Variants in NRG2 observed in about 807,000 individuals in gnomAD.
NRG2 encodes the protein neuregulin 2.
A neutral mutation model predicts 73.9 loss-of-function variants in NRG2; 27 were observed. The ratio of observed to expected loss-of-function variants is 0.37; its 90% CI spans 0.27 to 0.50. The LOEUF (loss-of-function observed/expected upper bound fraction) is 0.50. Ranked by LOEUF, NRG2 falls within the 20% of genes least tolerant of loss-of-function variation. The probability of loss-of-function intolerance (pLI) is 0.96; values close to 1 mark genes in which losing one functional copy is unlikely to be tolerated. For missense variants in NRG2, 1,126 were observed against 1,210.1 expected (o/e 0.93, Z 1.03); for synonymous variants, 532 against 541.0 (o/e 0.98, Z 0.23).
chr5:139,875,967 C>A (rs544205503), intron 3 of NRG2, among the ~76,000 whole-genome samples: 1 of 152,228 alleles, frequency 6.6e-6, no homozygotes, highest in South Asian at 2.1e-4. Flanking sequence ...ATGATGTGCT[C>A]CAGAAATTCC....
intron 2 of NRG2, among the ~76,000 whole-genome samples, chr5:139,884,272 A>C (rs1440636181): frequency 7.2e-5 from 11 of 152,202 alleles, no homozygotes; most frequent in African/African-American, 2.2e-4. Context: ...GGGCTTAGGA[A>C]GGTGTCCCAG....
chr5:139,860,064 T>G (rs1561631168), intron 5 of NRG2, among the ~76,000 whole-genome samples: 1 of 152,032 alleles, frequency 6.6e-6, no homozygotes, highest in Non-Finnish European at 1.5e-5. Context: ...AGGTTAGTAG[T>G]GTCCCCTCCC....
chr5:139,971,912 G>A (rs1051688557), intron 1 of NRG2, among the ~76,000 whole-genome samples: 2 of 152,012 alleles, frequency 1.3e-5, no homozygotes, highest in Non-Finnish European at 2.9e-5. Context: ...AAGAATAAAC[G>A]TAGAATAGCC....
chr5:140,017,016 G>A (rs1393943495), intron 1 of NRG2, among the ~76,000 whole-genome samples: 1 of 152,142 alleles, frequency 6.6e-6, no homozygotes, highest in Non-Finnish European at 1.5e-5. Context: ...ATTGGTCTTG[G>A]GTTTTTAAAA....
In NRG2 at chr5:139,851,702, C is replaced by T. The variant is rs1218636200; in HGVS notation, c.1674G>A (p.Arg558=). 6.2e-7 allele frequency: 1 copy of T among 1,614,202 alleles called. No homozygotes were observed. Among genetic ancestry groups the T allele is most frequent in the African/African-American group, 1.3e-5 (1 of 75,072 alleles). ...NSPACVEARA[R]RAAAYNLEER... ...CCTCCAGGTTGTAGGCTGCTGCCCG[C>T]CTTGCCCGGGCCTCCACACATGCTG... Residue 558 remains arginine, a synonymous_variant, in exon 9 of 10, where the codon AGG becomes AGA. Transcript: ENST00000361474. This position sits in a 1 kb window ranked among gnomAD's most constrained non-coding sequence, Gnocchi z 4.2.
intron 1 of NRG2, among the ~76,000 whole-genome samples, chr5:139,916,109 T>C (rs1351066659): frequency 3.3e-5 from 5 of 152,082 alleles, no homozygotes; most frequent in Admixed American, 2.0e-4. Context: ...GGCAGCAAGA[T>C]TGATCAGCAA....
rs969947402 is a variant in NRG2, at chr5:139,853,826, T to C, written c.1293-799A>G. On this transcript the variant is annotated intron_variant, in intron 6 of 9. Transcript: ENST00000361474. The surrounding 1 kb of genome is among the most constrained non-coding windows in gnomAD (Gnocchi z 4.1). Reference sequence around the variant, plus strand: ...GGGGATGGTTCATGGGTACAAAAACTAGTTAGAAGGAAAAAGACCTAGTAT... The same window carrying C: ...GGGGATGGTTCATGGGTACAAAAACCAGTTAGAAGGAAAAAGACCTAGTAT... 2.0e-5 allele frequency among the ~76,000 whole-genome samples: 3 copies of C among 152,034 alleles called. No homozygotes were observed. In the East Asian group the frequency reaches 5.8e-4, roughly 29 times the overall value.
chr5:139,944,595 C>T (rs994758522), intron 1 of NRG2, among the ~76,000 whole-genome samples: 10 of 152,100 alleles, frequency 6.6e-5, no homozygotes, highest in Admixed American at 2.6e-4. Context: ...GATTTCATTC[C>T]GTTTTATGGC....
chr5:139,869,950 C>A lies in NRG2; in HGVS notation c.1112+1771G>T, dbSNP rs1025745613. On this transcript the variant is annotated intron_variant, in intron 4 of 9. Coordinates refer to ENST00000361474, the MANE Select transcript of NRG2 (RefSeq NM_004883.3). The surrounding 1 kb of genome is among the most constrained non-coding windows in gnomAD (Gnocchi z 4.5). ...TGGCACCTGTCCTGAGGGGCCAGAA[C>A]CTTCCCTGCCCGGACGAGGGCTGAC... Among the ~76,000 whole-genome samples, 1 of 152,194 alleles carries A rather than the reference C, an allele frequency of 6.6e-6. No individual in the cohort carries two copies. Among genetic ancestry groups the A allele is most frequent in the Non-Finnish European group, 1.5e-5 (1 of 68,028 alleles).
chr5:139,938,942 AAAGAAAG>A (rs1753125153), intron 1 of NRG2, among the ~76,000 whole-genome samples: 1 of 145,400 alleles, frequency 6.9e-6, no homozygotes, highest in Non-Finnish European at 1.5e-5. Flanking sequence ...AGAAAGAAAG[AAAGAAAG>A]AAAGAAAGAA....
Position 139,954,001 on chromosome 5 carries a change from A to G in NRG2, c.701-66490T>C, listed in dbSNP as rs984256045. ...TGGAAACCCGAAGAGAACCTGAAAAAGTGGGCCAGAGTTGAGGGCAGGTAG... is the reference window on the plus strand; with the variant it reads ...TGGAAACCCGAAGAGAACCTGAAAAGGTGGGCCAGAGTTGAGGGCAGGTAG... On this transcript the variant is annotated intron_variant, in intron 1 of 9. Transcript: ENST00000361474. The surrounding 1 kb of genome is among the most constrained non-coding windows in gnomAD (Gnocchi z 5.0). 1.1e-4 allele frequency among the ~76,000 whole-genome samples: 16 copies of G among 152,080 alleles called. No homozygotes were observed. The highest frequency in any genetic ancestry group is 6.8e-3 in the Middle Eastern group (2 of 294).
At chr5:139,938,943 AAGAAAG>A (rs1753125987) in intron 1 of NRG2, among the ~76,000 whole-genome samples, 1 of 144,662 alleles carries the variant, frequency 6.9e-6, no homozygotes. Flanking sequence ...GAAAGAAAGA[AAGAAAG>A]AAAGAAAGAA....
In NRG2 at chr5:140,042,875, C is replaced by T; in HGVS notation, c.195G>A (p.Pro65=). ...SISRPAAPPE[P]RPQQQPQPRS... is the part of the protein sequence containing the mutation. The stretch of plus-strand genomic sequence containing the variant: ...GGGGCTGCGGCTGTTGCTGCGGCCG[C>T]GGCTCTGGGGGCGCAGCGGGACGAG... Residue 65 remains proline, a synonymous_variant, in exon 1 of 10, where the codon CCG becomes CCA. Transcript: ENST00000361474. 1.3e-6 allele frequency: 2 copies of T among 1,512,372 alleles called. No individual in the cohort carries two copies. Among genetic ancestry groups the T allele is most frequent in the South Asian group, 1.2e-5 (1 of 81,590 alleles). The allele number at this position is 1,512,372 out of a possible 1,614,324, so 93.7% of individuals were successfully genotyped here.
intron 1 of NRG2, among the ~76,000 whole-genome samples, chr5:139,945,808 A>G (rs959844513): frequency 6.6e-6 from 1 of 152,094 alleles, no homozygotes; most frequent in Non-Finnish European, 1.5e-5. Context: ...TTATATTCTT[A>G]TACACTTGCA....
intron 1 of NRG2, among the ~76,000 whole-genome samples, chr5:139,982,869 G>A (rs767961596): frequency 7.2e-5 from 11 of 152,136 alleles, no homozygotes; most frequent in Non-Finnish European, 1.6e-4. Flanking sequence ...GAAATTTTAT[G>A]ACTTGCCTCC....
intron 1 of NRG2, among the ~76,000 whole-genome samples, chr5:139,891,801 G>A (rs1764226890): frequency 6.6e-6 from 1 of 152,118 alleles, no homozygotes; most frequent in Non-Finnish European, 1.5e-5. Flanking sequence ...AAGCCAGGAT[G>A]AGAAGTCTGG....
intron 1 of NRG2, among the ~76,000 whole-genome samples, chr5:139,977,303 C>A (rs2126549115): frequency 6.6e-6 from 1 of 152,182 alleles, no homozygotes; most frequent in Non-Finnish European, 1.5e-5. Flanking sequence ...TAGAAGTTGT[C>A]CTTGCTATAG....
intron 5 of NRG2, among the ~76,000 whole-genome samples, chr5:139,858,615 C>A (rs1304206195): frequency 6.6e-6 from 1 of 152,184 alleles, no homozygotes; most frequent in Non-Finnish European, 1.5e-5. Flanking sequence ...GCCTTATAGA[C>A]ATTGACATAT....
intron 1 of NRG2, among the ~76,000 whole-genome samples, chr5:139,974,825 C>T (rs1016490651): frequency 1.3e-5 from 2 of 152,196 alleles, no homozygotes; most frequent in African/African-American, 4.8e-5. Flanking sequence ...GGTGCTCCTA[C>T]CTTTAGGGGG....
Sources: gnomAD v4.1 joint callset for allele counts (sites outside exome capture counted in the v4.1 genomes callset) on GRCh38, gnomAD v4.1.1 for gene constraint, Gnocchi (gnomAD v3.1) non-coding constraint, MANE v1.5 for transcripts, NCBI Gene and HGNC (gene_info 2026-07-23, HGNC 2026-07-21) for gene names.